ULBP1: variants seen among roughly 807,000 people sequenced by gnomAD.
ULBP1 encodes UL16 binding protein 1.
A neutral mutation model predicts 25.3 loss-of-function variants in ULBP1; 28 were observed. That is an observed-to-expected ratio of 1.10 (90% CI 0.82 to 1.51). ULBP1 has a LOEUF of 1.51. Among genes scored for constraint, ULBP1 ranks in the 40% most tolerant of loss-of-function variants. The pLI is 0.00. For synonymous variants in ULBP1, 129 were observed against 103.0 expected (o/e 1.25, Z -1.53); for missense variants, 348 against 290.9 (o/e 1.20, Z -1.43).
At position 149,971,571 on chromosome 6, in the gene ULBP1, C is replaced by A; in HGVS notation, c.*225C>A. 5.2e-6 allele frequency: 1 copy of A among 193,194 alleles called. No homozygotes were observed. The highest frequency in any genetic ancestry group is 2.4e-5 in the African/African-American group (1 of 42,014). 12.0% of individuals were successfully genotyped at this position (193,194 alleles called of 1,614,324 possible). A position where few individuals can be genotyped will look rare whatever the true frequency, so the allele number is the denominator to read the frequency against. ...TCATTACCTTCGCTCATGATCCCAG[C>A]AGCCATTTTTCTTAACACCTTCTGC... is the stretch of plus-strand genomic sequence containing the variant. On this transcript the variant is annotated 3_prime_UTR_variant, in exon 5 of 5. Coordinates refer to ENST00000229708, the MANE Select transcript of ULBP1 (RefSeq NM_025218.4).
rs191429297 is a variant in ULBP1 at position 149,973,353 on chromosome 6, C to T, written c.*2007C>T. ...AGGGGCACCTGGGCTGAAAAACACA[C>T]CTGTTGGGTATCATGCTTACTGTCT... On this transcript the variant is annotated 3_prime_UTR_variant, in exon 5 of 5. Coordinates refer to ENST00000229708, the MANE Select transcript of ULBP1 (RefSeq NM_025218.4). 5.2e-4 allele frequency: 79 copies of T among 152,298 alleles called. No individual in the cohort carries two copies. The highest frequency in any genetic ancestry group is 1.9e-3 in the African/African-American group (77 of 41,570). 9.4% of individuals were successfully genotyped at this position (152,298 alleles called of 1,614,324 possible).
intron 1 of ULBP1, among the ~76,000 whole-genome samples, chr6:149,967,977 G>T (rs1779233471): frequency 6.6e-6 from 1 of 152,066 alleles, no homozygotes; most frequent in South Asian, 2.1e-4. Flanking sequence ...AACCACTCTG[G>T]CATGGGTGCT....
intron 4 of ULBP1, among the ~76,000 whole-genome samples, chr6:149,970,747 G>T (rs1779299506): frequency 6.6e-6 from 1 of 152,242 alleles, no homozygotes. Flanking sequence ...ACCCATGGGA[G>T]TCCTTGCCAG....
rs61742437 is a variant in ULBP1 at position 149,964,073 on chromosome 6, G to C, written c.24G>C (p.Ala8=). Reference sequence around the variant, plus strand: ...CAATGGCAGCGGCCGCCAGCCCCGCGTTCCTTCTGTGCCTCCCGCTTCTGC... The same window carrying C: ...CAATGGCAGCGGCCGCCAGCCCCGCCTTCCTTCTGTGCCTCCCGCTTCTGC... MAAAASP[A]FLLCLPLLHL... is the part of the protein sequence containing the mutation. Residue 8 remains alanine (A), a synonymous_variant, in exon 1 of 5, where the codon GCG becomes GCC. Coordinates refer to ENST00000229708, the MANE Select transcript of ULBP1 (RefSeq NM_025218.4). 0.11 allele frequency: 171,693 copies of C among 1,613,982 alleles called. 13,407 individuals carry two copies. The highest frequency in any genetic ancestry group is 0.41 in the African/African-American group (30,965 of 74,960).
rs2114717751 is a variant in ULBP1, at chr6:149,971,857, T to TC, written c.*512dup. Reference sequence around the variant, plus strand: ...TGGCTTTTTACAGTTTCTCATTCTGTCAACCATATTGAAGTGAAGTGGCAT... The same window carrying TC: ...TGGCTTTTTACAGTTTCTCATTCTGTCCAACCATATTGAAGTGAAGTGGCAT... On this transcript the variant is annotated 3_prime_UTR_variant, in exon 5 of 5. Coordinates refer to ENST00000229708, the MANE Select transcript of ULBP1 (RefSeq NM_025218.4). 6.6e-6 allele frequency: 1 copy of TC among 152,316 alleles called. No individual in the cohort carries two copies. Among genetic ancestry groups the TC allele is most frequent in the East Asian group, 1.9e-4 (1 of 5,184 alleles). The allele number at this position is 152,316 out of a possible 1,614,324, so 9.4% of individuals were successfully genotyped here. A position where few individuals can be genotyped will look rare whatever the true frequency, so the allele number is the denominator to read the frequency against.
At chr6:149,964,892 C>CA (rs1779173418) in intron 1 of ULBP1, among the ~76,000 whole-genome samples, 1 of 142,304 alleles carries the variant, frequency 7.0e-6, no homozygotes, top group African/African-American at 2.6e-5. Flanking sequence ...GCGGTACCCC[C>CA]GAACATCGCC....
intron 4 of ULBP1, 86 bp downstream of exon 4, chr6:149,970,233 G>T (rs1453063701): frequency 2.0e-6 from 3 of 1,481,904 alleles, no homozygotes; most frequent in Admixed American, 2.2e-5. Flanking sequence ...AGTCCCAGAG[G>T]CCGGGAACTT....
rs765795330 is a variant in ULBP1 at position 149,972,443 on chromosome 6, C to G, written c.*1097C>G. The G allele has an allele frequency of 6.6e-5, 10 of 152,028 alleles. No homozygotes were observed. Among genetic ancestry groups the G allele is most frequent in the Non-Finnish European group, 1.3e-4 (9 of 68,006 alleles). 9.4% of individuals were successfully genotyped at this position (152,028 alleles called of 1,614,324 possible). ...AAGAAATACCAATGTGGACATAGGG[C>G]CTGGCAAAGATTTCATGAAGAAGAC... is the stretch of plus-strand genomic sequence containing the variant. On this transcript the variant is annotated 3_prime_UTR_variant, in exon 5 of 5. Coordinates refer to ENST00000229708, the MANE Select transcript of ULBP1 (RefSeq NM_025218.4).
At chr6:149,968,331 A>G (rs1779239863) in intron 1 of ULBP1, among the ~76,000 whole-genome samples, 1 of 152,146 alleles carries the variant, frequency 6.6e-6, no homozygotes, top group Admixed American at 6.5e-5. Flanking sequence ...CTCCACCACA[A>G]GGTCATGTGC....
At chr6:149,969,381 TGGAAGCTGTCTCG>T (rs755242418) in intron 3 of ULBP1, 21 bp downstream of exon 3, 2 of 1,608,186 alleles carry the variant, frequency 1.2e-6, no homozygotes, top group East Asian at 4.5e-5. Flanking sequence ...GGGGGATAAA[TGGAAGCTGTCTCG>T]AGTTCAGATC....
intron 1 of ULBP1, among the ~76,000 whole-genome samples, chr6:149,964,639 C>T (rs531552787): frequency 6.7e-6 from 1 of 149,356 alleles, no homozygotes; most frequent in African/African-American, 2.5e-5. Context: ...ATCGCGATCT[C>T]GCCGAACATG....
chr6:149,964,919 C>G (rs1779173973), intron 1 of ULBP1, among the ~76,000 whole-genome samples: 1 of 138,822 alleles, frequency 7.2e-6, no homozygotes, highest in Non-Finnish European at 1.5e-5. Context: ...CCGTACATTG[C>G]GATCCCCCGA....
At chr6:149,968,282 C>T (rs1779238967) in intron 1 of ULBP1, among the ~76,000 whole-genome samples, 1 of 152,218 alleles carries the variant, frequency 6.6e-6, no homozygotes, top group African/African-American at 2.4e-5. Flanking sequence ...TGAGGGTCCT[C>T]CTCATCCAGG....
At chr6:149,970,478 G>A (rs796659961) in intron 4 of ULBP1, among the ~76,000 whole-genome samples, 4 of 152,336 alleles carry the variant, frequency 2.6e-5, no homozygotes, top group African/African-American at 7.2e-5. Flanking sequence ...AGAAACTCAG[G>A]CATGGGCAGT....
At chr6:149,964,790 C>T (rs544811271) in intron 1 of ULBP1, among the ~76,000 whole-genome samples, 98 of 140,710 alleles carry the variant, frequency 7.0e-4, no homozygotes, top group African/African-American at 2.7e-3. Flanking sequence ...ACCCCAACAT[C>T]GCGATCCCTC....
chr6:149,967,347 C>T (rs1313434810), intron 1 of ULBP1, among the ~76,000 whole-genome samples: 1 of 152,192 alleles, frequency 6.6e-6, no homozygotes, highest in East Asian at 1.9e-4. Context: ...GAGTGAATGC[C>T]CATCTGGCTC....
At chr6:149,964,529 CTCT>C (rs1779161940) in intron 1 of ULBP1, among the ~76,000 whole-genome samples, 1 of 149,646 alleles carries the variant, frequency 6.7e-6, no homozygotes. Flanking sequence ...ACATCGCGGC[CTCT>C]CCGAACATCG....
intron 1 of ULBP1, among the ~76,000 whole-genome samples, chr6:149,968,364 G>A (rs1320482344): frequency 6.6e-6 from 1 of 152,206 alleles, no homozygotes; most frequent in Non-Finnish European, 1.5e-5. Flanking sequence ...GCACAGAGCA[G>A]GTGGGACATG....
chr6:149,969,147 T>C lies in ULBP1; in HGVS notation c.412T>C (p.Ser138Pro). Residue 138 changes from serine (S) to proline (P), a missense_variant, in exon 3 of 5, where the codon TCT (serine) becomes CCT (proline). Coordinates refer to ENST00000229708, the MANE Select transcript of ULBP1 (RefSeq NM_025218.4). ...TGAAGCCCATGGACACGGCAGAGGA[T>C]CTTGGCAGTTCCTCTTCAATGGACA... is the stretch of plus-strand genomic sequence containing the variant. ...EHEAHGHGRG[S>P]WQFLFNGQKF... is the part of the protein sequence containing the mutation. 3 of 1,614,182 alleles carry C rather than the reference T, an allele frequency of 1.9e-6. No individual in the cohort carries two copies. The South Asian group carries it at 3.3e-5, about 18-fold the overall frequency.
Sources: gnomAD v4.1 joint callset for allele counts (sites outside exome capture counted in the v4.1 genomes callset) on GRCh38, gnomAD v4.1.1 for gene constraint, MANE v1.5 for transcripts, NCBI Gene and HGNC (gene_info 2026-07-23, HGNC 2026-07-21) for gene names.